GFRAL: variants seen among roughly 807,000 people sequenced by gnomAD.
GFRAL encodes the protein GDNF family receptor alpha-like.
In GFRAL, 36 loss-of-function variants were observed where a neutral mutation model predicts 45.4. That is an observed-to-expected ratio of 0.79 (90% CI 0.61 to 1.05). The LOEUF is 1.05. Ranked by LOEUF, GFRAL falls within the 50% of genes least tolerant of loss-of-function variation. The pLI is 0.00. For synonymous variants in GFRAL, 166 were observed against 154.1 expected (o/e 1.08, Z -0.57); for missense variants, 507 against 467.5 (o/e 1.08, Z -0.78).
chr6:55,340,695 C>G (rs183059883), intron 3 of GFRAL, among the ~76,000 whole-genome samples: 1 of 152,224 alleles, frequency 6.6e-6, no homozygotes, highest in Non-Finnish European at 1.5e-5. Context: ...TGGGTGCAGC[C>G]TACTGAGCGT....
At chr6:55,391,119 T>C (rs1297602012) in intron 6 of GFRAL, among the ~76,000 whole-genome samples, 1 of 151,466 alleles carries the variant, frequency 6.6e-6, no homozygotes, top group African/African-American at 2.4e-5. Context: ...TCATTTAAGA[T>C]TGTAGTCAAG....
At chr6:55,370,712 C>G (rs1448865283) in intron 6 of GFRAL, among the ~76,000 whole-genome samples, 1 of 152,176 alleles carries the variant, frequency 6.6e-6, no homozygotes, top group Non-Finnish European at 1.5e-5. Context: ...CAGGACGTGA[C>G]AGTAGGACCA....
At chr6:55,384,462 C>G (rs772969405) in intron 6 of GFRAL, among the ~76,000 whole-genome samples, 1 of 151,202 alleles carries the variant, frequency 6.6e-6, no homozygotes, top group South Asian at 2.1e-4. Context: ...CCCATTGGCC[C>G]CACAATTCTA....
intron 5 of GFRAL, 140 bp downstream of exon 5, chr6:55,351,723 A>G (rs1562053144): frequency 2.6e-5 from 15 of 587,150 alleles, no homozygotes; most frequent in Non-Finnish European, 2.9e-5. Context: ...GACAATTAAT[A>G]TTTTTTTGAA....
At chr6:55,343,471 G>A (rs1477046920) in intron 3 of GFRAL, among the ~76,000 whole-genome samples, 3 of 152,120 alleles carry the variant, frequency 2.0e-5, no homozygotes, top group Non-Finnish European at 4.4e-5. Flanking sequence ...GATGTTCTTT[G>A]AAAACAATGA....
At chr6:55,392,351 T>C (rs3916087) in intron 6 of GFRAL, among the ~76,000 whole-genome samples, 3,815 of 152,300 alleles carry the variant, frequency 0.025, 155 homozygotes, top group African/African-American at 0.087. Flanking sequence ...AGCTTTGAAG[T>C]AGGAAGTAAT....
At chr6:55,346,241 C>A (rs944131058) in intron 3 of GFRAL, among the ~76,000 whole-genome samples, 1 of 152,092 alleles carries the variant, frequency 6.6e-6, no homozygotes, top group Non-Finnish European at 1.5e-5. Context: ...CACATGCACA[C>A]GTATGTTTAC....
At chr6:55,345,897 T>A (rs1768035006) in intron 3 of GFRAL, among the ~76,000 whole-genome samples, 1 of 152,076 alleles carries the variant, frequency 6.6e-6, no homozygotes, top group Middle Eastern at 3.2e-3. Context: ...AACAGACACT[T>A]CTCAAAAGAA....
chr6:55,386,382 A>C (rs931790581), intron 6 of GFRAL, among the ~76,000 whole-genome samples: 1 of 152,158 alleles, frequency 6.6e-6, no homozygotes, highest in African/African-American at 2.4e-5. Context: ...AACTTTTGTC[A>C]TCTACAAATC....
intron 1 of GFRAL, 125 bp from the exon 2 acceptor site, chr6:55,331,590 C>A: frequency 1.4e-6 from 1 of 720,918 alleles, no homozygotes; most frequent in African/African-American, 1.8e-5. Flanking sequence ...AGGTTATTCC[C>A]ACCATCAATT....
intron 6 of GFRAL, among the ~76,000 whole-genome samples, chr6:55,376,334 T>A (rs1768534252): frequency 6.6e-6 from 1 of 152,078 alleles, no homozygotes; most frequent in Non-Finnish European, 1.5e-5. Context: ...TTTTGTTGCA[T>A]CTCTTTCAGG....
chr6:55,340,050 C>T (rs571889382), intron 3 of GFRAL, among the ~76,000 whole-genome samples: 17 of 152,218 alleles, frequency 1.1e-4, no homozygotes, highest in East Asian at 3.9e-4. Flanking sequence ...TAAATATTCC[C>T]GATGGACTTC....
intron 3 of GFRAL, among the ~76,000 whole-genome samples, chr6:55,340,126 CAA>C (rs1767942559): frequency 6.6e-6 from 1 of 152,120 alleles, no homozygotes. Flanking sequence ...TAATTCATGA[CAA>C]AGAATTATAA....
chr6:55,353,898 G>A (rs893444055), intron 5 of GFRAL, among the ~76,000 whole-genome samples: 1 of 151,904 alleles, frequency 6.6e-6, no homozygotes, highest in Non-Finnish European at 1.5e-5. Context: ...CACCTCAAAT[G>A]AACTAAAACT....
chr6:55,366,753 G>A (rs1768370119), intron 6 of GFRAL, among the ~76,000 whole-genome samples: 1 of 112,508 alleles, frequency 8.9e-6, no homozygotes, highest in Non-Finnish European at 1.8e-5. Context: ...GAGTGGTTTT[G>A]AGTGAGATTC....
intron 6 of GFRAL, among the ~76,000 whole-genome samples, chr6:55,390,795 G>A (rs897194315): frequency 1.3e-5 from 2 of 151,954 alleles, no homozygotes; most frequent in South Asian, 4.2e-4. Flanking sequence ...GGCTGAGGCA[G>A]GAGAATCACT....
Position 55,331,737 on chromosome 6 carries a change from T to A in GFRAL, c.45T>A (p.Asn15Lys). 6.2e-7 allele frequency: 1 copy of A among 1,609,698 alleles called. No individual in the cohort carries two copies. The highest frequency in any genetic ancestry group is 8.5e-7 in the Non-Finnish European group (1 of 1,178,566). The change falls in exon 2 of 9, where the codon AAT (asparagine) becomes AAA (lysine). Residue 15 changes from asparagine to lysine, a missense_variant. By Grantham distance (94) the Asn-to-Lys change is moderately conservative. Coordinates refer to ENST00000340465, the MANE Select transcript of GFRAL (RefSeq NM_207410.2). ...AAGCTATGGGGTTAAGCTTGGAAAA[T>A]GAATACACTTCCCAAACCAATAATT... ...IFLAMGLSLE[N>K]EYTSQTNNCT...
At position 55,390,756 on chromosome 6, in the gene GFRAL, C is replaced by T. The variant is rs559381419; in HGVS notation, c.953-8424C>T. Among the ~76,000 whole-genome samples the T allele has an allele frequency of 4.6e-5, 7 of 152,080 alleles. No individual in the cohort carries two copies. In the East Asian group the frequency reaches 9.7e-4, roughly 21 times the overall value. ...TACAAAAATCAGCCAGGCATGGTGG[C>T]GAGCGCCTGTAATCCCAGCTACTCA... On this transcript the variant is annotated intron_variant, in intron 6 of 8. Coordinates refer to ENST00000340465, the MANE Select transcript of GFRAL (RefSeq NM_207410.2).
intron 3 of GFRAL, among the ~76,000 whole-genome samples, chr6:55,347,129 T>C (rs1367769873): frequency 6.6e-6 from 1 of 152,046 alleles, no homozygotes; most frequent in Non-Finnish European, 1.5e-5. Context: ...TGTTCCTTTA[T>C]CTGAATGGGT....
Sources: gnomAD v4.1 joint callset for allele counts (sites outside exome capture counted in the v4.1 genomes callset) on GRCh38, gnomAD v4.1.1 for gene constraint, MANE v1.5 for transcripts, NCBI Gene and HGNC (gene_info 2026-07-23, HGNC 2026-07-21) for gene names.